The following NRG3 variants were observed in gnomAD, a reference collection of about 807,000 sequenced individuals.
The protein encoded by NRG3 is pro-neuregulin-3, membrane-bound isoform.
Under a neutral mutation model 66.9 loss-of-function variants are expected in NRG3, and 31 were observed. The ratio of observed to expected loss-of-function variants is 0.46; its 90% confidence interval spans 0.35 to 0.63. The LOEUF is 0.63. Ranked by LOEUF, NRG3 falls within the 20% of genes least tolerant of loss-of-function variation. The pLI is 0.00. For missense variants in NRG3, 910 were observed against 878.9 expected, an observed-to-expected ratio of 1.04 and a Z score of -0.45; for synonymous variants, 393 against 359.4, an observed-to-expected ratio of 1.09 and a Z score of -1.06.
chr10:82,720,561 A>G (rs2057234653), intron 2 of NRG3, among the ~76,000 whole-genome samples: 1 of 151,940 alleles, frequency 6.6e-6, no homozygotes, highest in African/African-American at 2.4e-5. Flanking sequence ...TAGAACACCG[A>G]GGTTGATTCA....
chr10:82,305,188 G>A (rs2080655478), intron 1 of NRG3, among the ~76,000 whole-genome samples: 1 of 151,278 alleles, frequency 6.6e-6, no homozygotes, highest in Admixed American at 6.6e-5. Flanking sequence ...GTAGAGATGG[G>A]GTTTCACCGT....
At chr10:82,852,076 A>T (rs2063587235) in intron 3 of NRG3, among the ~76,000 whole-genome samples, 1 of 152,178 alleles carries the variant, frequency 6.6e-6, no homozygotes. Context: ...TGGAAAGGGA[A>T]TGTGGGGATA....
At chr10:82,113,990 C>T (rs1342163731) in intron 1 of NRG3, among the ~76,000 whole-genome samples, 1 of 152,112 alleles carries the variant, frequency 6.6e-6, no homozygotes, top group Non-Finnish European at 1.5e-5. Flanking sequence ...CAGCCTTCTC[C>T]CTACTCCCCA....
At chr10:82,484,558 C>T (rs1842533145) in intron 2 of NRG3, among the ~76,000 whole-genome samples, 1 of 152,072 alleles carries the variant, frequency 6.6e-6, no homozygotes. Flanking sequence ...TCTGTTTGTC[C>T]CTTACATAAG....
At chr10:82,702,654 G>A (rs1158321897) in intron 2 of NRG3, among the ~76,000 whole-genome samples, 2 of 152,152 alleles carry the variant, frequency 1.3e-5, no homozygotes, top group Non-Finnish European at 2.9e-5. Context: ...AAACTATCAG[G>A]AAGCAGTGAA....
intron 1 of NRG3, among the ~76,000 whole-genome samples, chr10:82,233,507 C>T (rs1021736621): frequency 3.3e-5 from 5 of 152,176 alleles, no homozygotes; most frequent in Non-Finnish European, 4.4e-5. Flanking sequence ...ACAATACAGC[C>T]TTGTTCTGGG....
intron 1 of NRG3, among the ~76,000 whole-genome samples, chr10:81,920,757 T>G (rs894578366): frequency 6.6e-6 from 1 of 152,204 alleles, no homozygotes; most frequent in Non-Finnish European, 1.5e-5. Context: ...TGGGCTCACA[T>G]TTTTCTAATT....
intron 1 of NRG3, among the ~76,000 whole-genome samples, chr10:82,112,116 T>G (rs2067423250): frequency 6.6e-6 from 1 of 152,092 alleles, no homozygotes. Context: ...TGGTGGCACA[T>G]GCCTGGGGTC....
chr10:82,576,955 T>G (rs1365482543), intron 2 of NRG3, among the ~76,000 whole-genome samples: 4 of 151,784 alleles, frequency 2.6e-5, no homozygotes, highest in Admixed American at 2.6e-4. Flanking sequence ...GATTCTGGAC[T>G]CTTCATCTCA....
At chr10:82,169,135 G>A (rs752963882) in intron 1 of NRG3, among the ~76,000 whole-genome samples, 1 of 152,046 alleles carries the variant, frequency 6.6e-6, no homozygotes, top group African/African-American at 2.4e-5. Flanking sequence ...AGAAAGCGAC[G>A]AGCATATGTG....
At chr10:82,242,799 T>A (rs2134009883) in intron 1 of NRG3, among the ~76,000 whole-genome samples, 1 of 152,264 alleles carries the variant, frequency 6.6e-6, no homozygotes, top group South Asian at 2.1e-4. Flanking sequence ...GGGAACCCAT[T>A]CTCCACCCAT....
At chr10:82,146,844 G>A (rs749174766) in intron 1 of NRG3, among the ~76,000 whole-genome samples, 1 of 152,154 alleles carries the variant, frequency 6.6e-6, no homozygotes, top group Non-Finnish European at 1.5e-5. Context: ...GGTACAGGGA[G>A]GGTTGACCAA....
chr10:82,720,655 T>C (rs1037994354), intron 2 of NRG3, among the ~76,000 whole-genome samples: 4 of 151,896 alleles, frequency 2.6e-5, no homozygotes, highest in Non-Finnish European at 5.9e-5. Context: ...CTAACCTTTG[T>C]AATGCTCTCA....
At chr10:82,486,304 A>G (rs990704060) in intron 2 of NRG3, among the ~76,000 whole-genome samples, 1 of 152,228 alleles carries the variant, frequency 6.6e-6, no homozygotes, top group Non-Finnish European at 1.5e-5. Flanking sequence ...TCAAAGAGAT[A>G]TTTGTACTCC....
intron 3 of NRG3, among the ~76,000 whole-genome samples, chr10:82,825,700 T>G (rs1473615439): frequency 6.6e-6 from 1 of 152,204 alleles, no homozygotes; most frequent in Non-Finnish European, 1.5e-5. Flanking sequence ...TCAAAACTTA[T>G]TATCGGATGA....
chr10:82,018,743 T>C (rs1467529416), intron 1 of NRG3, among the ~76,000 whole-genome samples: 1 of 152,146 alleles, frequency 6.6e-6, no homozygotes, highest in Non-Finnish European at 1.5e-5. Flanking sequence ...ATTTGTCTGT[T>C]ATTGGTGTAT....
chr10:82,469,753 G>T (rs773690269), intron 2 of NRG3, among the ~76,000 whole-genome samples: 46 of 152,202 alleles, frequency 3.0e-4, no homozygotes, highest in Non-Finnish European at 6.0e-4. Context: ...CATGAGCTCT[G>T]TGTGTCTGAA....
chr10:82,822,614 G>A (rs2062001409), intron 3 of NRG3, among the ~76,000 whole-genome samples: 1 of 152,234 alleles, frequency 6.6e-6, no homozygotes, highest in African/African-American at 2.4e-5. Context: ...CCTAGAAATG[G>A]GAGGCACACA....
chr10:82,451,238 C>A, intron 2 of NRG3, among the ~76,000 whole-genome samples: 1 of 152,212 alleles, frequency 6.6e-6, no homozygotes, highest in South Asian at 2.1e-4. Flanking sequence ...CTAGATGACT[C>A]AAATTAGCAT....
Sources: allele counts gnomAD v4.1 joint callset (sites outside exome capture counted in the v4.1 genomes callset), GRCh38; gene constraint gnomAD v4.1.1; transcripts MANE v1.5; gene names NCBI Gene and HGNC (gene_info 2026-07-23, HGNC 2026-07-21).